ROBO2: variants seen among roughly 807,000 people sequenced by gnomAD.
The protein encoded by ROBO2 is roundabout homolog 2.
In ROBO2, 53 loss-of-function variants were observed where a neutral mutation model predicts 160.8. The ratio of observed to expected loss-of-function variants is 0.33; its 90% confidence interval spans 0.26 to 0.41. The LOEUF is 0.41. Ranked by LOEUF, ROBO2 falls within the 10% of genes least tolerant of loss-of-function variation. ROBO2 has a pLI of 1.00. For missense variants in ROBO2, 1,577 were observed against 1,722.4 expected, an observed-to-expected ratio of 0.92 and a Z score of 1.49; for synonymous variants, 664 against 611.7, an observed-to-expected ratio of 1.09 and a Z score of -1.26.
At chr3:77,180,073 G>C (rs534169385) in intron 2 of ROBO2, among the ~76,000 whole-genome samples, 1 of 151,928 alleles carries the variant, frequency 6.6e-6, no homozygotes, top group Non-Finnish European at 1.5e-5. Flanking sequence ...TTGCCGCCTG[G>C]AAAAGAGCCA....
At chr3:77,381,687 A>C (rs1244069154) in intron 2 of ROBO2, among the ~76,000 whole-genome samples, 2 of 152,226 alleles carry the variant, frequency 1.3e-5, no homozygotes, top group South Asian at 4.1e-4. Flanking sequence ...TGTGAAGAAG[A>C]AAAATGACTT....
chr3:76,477,207 C>T (rs975547456), intron 2 of ROBO2, among the ~76,000 whole-genome samples: 1 of 152,092 alleles, frequency 6.6e-6, no homozygotes, highest in Non-Finnish European at 1.5e-5. Flanking sequence ...TAACTATGAA[C>T]CAACACCTCT....
chr3:76,387,089 T>A (rs2076927963), intron 2 of ROBO2, among the ~76,000 whole-genome samples: 2 of 152,154 alleles, frequency 1.3e-5, no homozygotes, highest in Non-Finnish European at 2.9e-5. Flanking sequence ...TGACAATTGC[T>A]CTCTGCTTCC....
chr3:76,567,632 T>TATATATATATATATAC (rs1458358739), intron 2 of ROBO2, among the ~76,000 whole-genome samples: 4,093 of 79,022 alleles, frequency 0.052, 292 homozygotes, highest in Non-Finnish European at 0.089. Flanking sequence ...TATATATATA[T>TATATATATATATATAC]ATATATATAT....
chr3:76,813,676 C>G (rs577192817), intron 2 of ROBO2, among the ~76,000 whole-genome samples: 2 of 152,184 alleles, frequency 1.3e-5, no homozygotes, highest in Admixed American at 1.3e-4. Context: ...CAGCATCTAT[C>G]TCTATTGTGT....
chr3:77,179,445 TAAC>T (rs140052288), intron 2 of ROBO2, among the ~76,000 whole-genome samples: 4,789 of 152,070 alleles, frequency 0.031, 267 homozygotes, highest in African/African-American at 0.11. Context: ...CATATGCACT[TAAC>T]AAGAATTTTG....
intron 2 of ROBO2, among the ~76,000 whole-genome samples, chr3:76,414,939 T>G (rs2108869812): frequency 6.6e-6 from 1 of 152,288 alleles, no homozygotes; most frequent in Admixed American, 6.5e-5. Flanking sequence ...AGAATGCTTC[T>G]TATCAATTGA....
At chr3:77,484,603 T>C (rs1041068327) in intron 4 of ROBO2, among the ~76,000 whole-genome samples, 2 of 151,924 alleles carry the variant, frequency 1.3e-5, no homozygotes, top group African/African-American at 2.4e-5. Context: ...TGTTTCCATA[T>C]TTCTGAATAT....
intron 2 of ROBO2, among the ~76,000 whole-genome samples, chr3:77,030,282 A>G (rs2063240967): frequency 6.6e-6 from 1 of 152,210 alleles, no homozygotes; most frequent in Admixed American, 6.5e-5. Context: ...AGATTTTTTT[A>G]AGTAAACTTT....
chr3:77,058,739 T>C (rs150060400), intron 1 of ROBO2, among the ~76,000 whole-genome samples: 73 of 151,932 alleles, frequency 4.8e-4, no homozygotes, highest in African/African-American at 1.6e-3. Flanking sequence ...GGTTTCATCA[T>C]GTTGCCCAGG....
chr3:77,505,046 C>A (rs962913997), intron 5 of ROBO2, among the ~76,000 whole-genome samples: 1 of 152,136 alleles, frequency 6.6e-6, no homozygotes, highest in Non-Finnish European at 1.5e-5. Flanking sequence ...GCACTTAAGG[C>A]CACAAAGGTT....
At chr3:77,501,744 G>A (rs2087650225) in intron 5 of ROBO2, among the ~76,000 whole-genome samples, 1 of 151,960 alleles carries the variant, frequency 6.6e-6, no homozygotes, top group Non-Finnish European at 1.5e-5. Context: ...GAAATAGATG[G>A]ACATAAAGAA....
At chr3:77,335,971 A>G (rs530398933) in intron 2 of ROBO2, among the ~76,000 whole-genome samples, 1 of 152,328 alleles carries the variant, frequency 6.6e-6, no homozygotes, top group African/African-American at 2.4e-5. Flanking sequence ...ATGGAGGTAT[A>G]TGCAAGGTAC....
chr3:76,112,719 T>C (rs1218201465), intron 2 of ROBO2, among the ~76,000 whole-genome samples: 1 of 152,076 alleles, frequency 6.6e-6, no homozygotes, highest in Admixed American at 6.6e-5. Context: ...GAGATCATTC[T>C]CAAATGATTT....
chr3:76,945,117 T>C (rs7428827), intron 2 of ROBO2, among the ~76,000 whole-genome samples: 74,499 of 151,748 alleles, frequency 0.49, 19,321 homozygotes, highest in African/African-American at 0.67. Context: ...CTGGATCTCC[T>C]GACCTCGTGA....
At position 76,310,874 on chromosome 3, in the gene ROBO2, A is replaced by G. The variant is rs184520999; in HGVS notation, c.109+373272A>G. On this transcript the variant is annotated intron_variant, in intron 2 of 26. Coordinates refer to the ROBO2 transcript ENST00000487694. ...TTAAAAGAGCAATTTGGTTGGTTGC[A>G]CGGCTATTAGGATCACACAGGCAGC... 3.5e-4 allele frequency among the ~76,000 whole-genome samples: 53 copies of G among 152,322 alleles called. No individual in the cohort carries two copies. In the East Asian group the frequency reaches 8.3e-3, roughly 24 times the overall value.
chr3:76,860,692 A>G (rs2070677242), intron 2 of ROBO2, among the ~76,000 whole-genome samples: 1 of 152,028 alleles, frequency 6.6e-6, no homozygotes, highest in African/African-American at 2.4e-5. Flanking sequence ...TTTTCCTCCT[A>G]CATTTTTTAA....
chr3:76,217,573 T>C (rs1396933866), intron 2 of ROBO2, among the ~76,000 whole-genome samples: 1 of 152,142 alleles, frequency 6.6e-6, no homozygotes, highest in African/African-American at 2.4e-5. Flanking sequence ...AAGAAATGGA[T>C]AAATTCCTCG....
At chr3:77,025,589 G>C (rs966217592) in intron 2 of ROBO2, among the ~76,000 whole-genome samples, 2 of 152,170 alleles carry the variant, frequency 1.3e-5, no homozygotes, top group East Asian at 1.9e-4. Flanking sequence ...CATGATTTAA[G>C]TGAATTTCTT....
Sources: allele counts gnomAD v4.1 joint callset (sites outside exome capture counted in the v4.1 genomes callset), GRCh38; gene constraint gnomAD v4.1.1; transcripts MANE v1.5; gene names NCBI Gene and HGNC (gene_info 2026-07-23, HGNC 2026-07-21).